The following MYT1L variants were observed in gnomAD, a reference collection of about 807,000 sequenced individuals.
MYT1L encodes the protein myelin transcription factor 1-like protein.
In MYT1L, 12 loss-of-function variants were observed where a neutral mutation model predicts 126.7. That is an observed-to-expected ratio of 0.09 (90% confidence interval 0.06 to 0.15). The LOEUF is 0.15. Ranked by LOEUF, MYT1L falls within the 10% of genes least tolerant of loss-of-function variation. MYT1L has a pLI of 1.00. For synonymous variants in MYT1L, 541 were observed against 604.2 expected (o/e 0.90, Z 1.53); for missense variants, 979 against 1,585.2 (o/e 0.62, Z 6.49).
In MYT1L at chr2:1,849,843, G is replaced by A. The variant is rs978813048; in HGVS notation, c.2774+1798C>T. On this transcript the variant is annotated intron_variant, in intron 19 of 24. Coordinates refer to ENST00000647738, the MANE Select transcript of MYT1L (RefSeq NM_001303052.2). ...AAATGGCTGGGATGTGAGCACAGGA[G>A]CGAGTTACCTTCAGTGAGATTTTAA... Among the ~76,000 whole-genome samples, 8 of 152,336 alleles carry A rather than the reference G, an allele frequency of 5.3e-5. No individual in the cohort carries two copies. The South Asian group carries it at 8.3e-4, about 16-fold the overall frequency.
At position 1,877,445 on chromosome 2, in the gene MYT1L, G is replaced by A. The variant is rs1210351264; in HGVS notation, c.2711+9094C>T. Among the ~76,000 whole-genome samples the A allele has an allele frequency of 3.9e-5, 6 of 151,962 alleles. No individual in the cohort carries two copies. In the East Asian group the frequency reaches 5.8e-4, roughly 15 times the overall value. On this transcript the variant is annotated intron_variant, in intron 18 of 24. Transcript: ENST00000647738. ...TCTCAATTTTTTGAGCTTATATTAGGTTTATGTCCAAAAAGTCATTGAAAA... is the reference window on the plus strand; with the variant it reads ...TCTCAATTTTTTGAGCTTATATTAGATTTATGTCCAAAAAGTCATTGAAAA...
At chr2:2,007,869 GC>G (rs1181385227) in intron 4 of MYT1L, among the ~76,000 whole-genome samples, 1 of 152,116 alleles carries the variant, frequency 6.6e-6, no homozygotes. Context: ...TAATTAATAG[GC>G]CTTCCCCCAA....
chr2:2,127,237 C>T (rs977867378), intron 3 of MYT1L, among the ~76,000 whole-genome samples: 3 of 152,212 alleles, frequency 2.0e-5, no homozygotes, highest in Admixed American at 2.0e-4. Flanking sequence ...TCTCCCTCCT[C>T]CCAGCCTCCA....
chr2:2,110,685 G>A (rs986553898), intron 3 of MYT1L, among the ~76,000 whole-genome samples: 3 of 151,116 alleles, frequency 2.0e-5, no homozygotes, highest in Admixed American at 2.0e-4. Context: ...TCCTTTGCTT[G>A]CTCCTGTGTC....
chr2:1,940,735 T>C (rs2056551891), intron 9 of MYT1L, among the ~76,000 whole-genome samples: 1 of 152,276 alleles, frequency 6.6e-6, no homozygotes, highest in South Asian at 2.1e-4. Context: ...ACATGAATTC[T>C]GAAACCAGGC....
intron 1 of MYT1L, among the ~76,000 whole-genome samples, chr2:2,297,809 G>A (rs2095717544): frequency 6.6e-6 from 1 of 152,140 alleles, no homozygotes; most frequent in Admixed American, 6.5e-5. Flanking sequence ...TCTGAGGAAA[G>A]AAACAGGAGC....
intron 2 of MYT1L, among the ~76,000 whole-genome samples, chr2:2,215,818 A>C (rs892625172): frequency 6.6e-6 from 1 of 152,070 alleles, no homozygotes; most frequent in Non-Finnish European, 1.5e-5. Context: ...TGCATCCCCC[A>C]GTGTTGGAGG....
intron 14 of MYT1L, among the ~76,000 whole-genome samples, chr2:1,897,062 C>G (rs2148912482): frequency 6.6e-6 from 1 of 152,304 alleles, no homozygotes; most frequent in South Asian, 2.1e-4. Flanking sequence ...ATGTGCCTAT[C>G]AACTCACTGC....
chr2:1,943,067 C>T lies in MYT1L; in HGVS notation c.420G>A (p.Glu140=). The T allele has an allele frequency of 1.4e-6, 2 of 1,459,630 alleles. No individual in the cohort carries two copies. The highest frequency in any genetic ancestry group is 1.2e-5 in the South Asian group (1 of 82,130). 90.4% of individuals were successfully genotyped at this position (1,459,630 alleles called of 1,614,324 possible). ...CATCTTCTCCATCCTCGTCATCGTC[C>T]TCATCCTCCTCCTCGATCTCCTCCT... ...EEEEEIEEED[E]DDDEDGEDVE... Residue 140 remains glutamate (E), a synonymous_variant, in exon 9 of 25, where the codon GAG becomes GAA. Coordinates refer to ENST00000647738, the MANE Select transcript of MYT1L (RefSeq NM_001303052.2). This position sits in a 1 kb window ranked among gnomAD's most constrained non-coding sequence, Gnocchi z 4.4.
chr2:2,197,711 T>C (rs1414321090), intron 2 of MYT1L, among the ~76,000 whole-genome samples: 1 of 150,068 alleles, frequency 6.7e-6, no homozygotes, highest in Non-Finnish European at 1.5e-5. Flanking sequence ...ACACAACGAA[T>C]GTGTAGAGAT....
intron 14 of MYT1L, 75 bp from the exon 15 acceptor site, chr2:1,892,362 C>T: frequency 6.7e-7 from 1 of 1,492,308 alleles, no homozygotes; most frequent in Non-Finnish European, 8.9e-7. Flanking sequence ...GCAGGGCCTG[C>T]CCGCCCCGGC....
At chr2:2,270,638 A>T (rs1001626592) in intron 2 of MYT1L, among the ~76,000 whole-genome samples, 1 of 152,122 alleles carries the variant, frequency 6.6e-6, no homozygotes, top group Non-Finnish European at 1.5e-5. Context: ...CAATCTCCCT[A>T]ATTGGTACTC....
At chr2:1,952,862 T>C (rs1573925142) in intron 8 of MYT1L, among the ~76,000 whole-genome samples, 1 of 63,650 alleles carries the variant, frequency 1.6e-5, no homozygotes, top group African/African-American at 8.6e-5. Flanking sequence ...CCTTACCTCC[T>C]TCTTTCCCTT....
chr2:1,989,138 C>T (rs990461018), intron 5 of MYT1L, among the ~76,000 whole-genome samples: 10 of 151,296 alleles, frequency 6.6e-5, no homozygotes, highest in African/African-American at 1.5e-4. Flanking sequence ...CTAAAAAGTG[C>T]GTGTGTGTGT....
chr2:1,884,218 A>G (rs1252084518), intron 18 of MYT1L: 1 of 152,248 alleles, frequency 6.6e-6, no homozygotes, highest in East Asian at 1.9e-4. Flanking sequence ...CCCACTTTCT[A>G]CTATGTGTTT....
At chr2:1,991,096 A>C (rs2149565485) in intron 5 of MYT1L, among the ~76,000 whole-genome samples, 1 of 152,248 alleles carries the variant, frequency 6.6e-6, no homozygotes, top group South Asian at 2.1e-4. Context: ...GAGCCATTGA[A>C]GCCAGCCCCT....
At chr2:1,901,820 C>T (rs1335820874) in intron 14 of MYT1L, among the ~76,000 whole-genome samples, 11 of 152,042 alleles carry the variant, frequency 7.2e-5, no homozygotes, top group Admixed American at 5.2e-4. Context: ...CCACCATGCC[C>T]GGCTAATTTT....
intron 4 of MYT1L, among the ~76,000 whole-genome samples, chr2:2,022,632 C>G (rs910613540): frequency 2.0e-5 from 3 of 151,870 alleles, no homozygotes; most frequent in African/African-American, 7.3e-5. Flanking sequence ...CCGCTTGGGC[C>G]TCTTCCAAGT....
chr2:2,152,013 G>A (rs553809281), intron 3 of MYT1L, among the ~76,000 whole-genome samples: 8 of 152,302 alleles, frequency 5.3e-5, no homozygotes, highest in African/African-American at 1.2e-4. Context: ...CCGAGATCGC[G>A]CCACCACACT....
Sources: allele counts gnomAD v4.1 joint callset (sites outside exome capture counted in the v4.1 genomes callset), GRCh38; gene constraint gnomAD v4.1.1; non-coding constraint Gnocchi (gnomAD v3.1); transcripts MANE v1.5; gene names NCBI Gene and HGNC (gene_info 2026-07-23, HGNC 2026-07-21).